DPP10: variants seen among roughly 807,000 people sequenced by gnomAD.
The protein encoded by DPP10 is dipeptidyl peptidase like 10.
DPP10 carries 33 observed loss-of-function variants against 120.9 expected under a neutral mutation model. That is an observed-to-expected ratio of 0.27 (90% CI 0.21 to 0.37). The LOEUF is 0.37. DPP10 is among the 10% of genes least tolerant of loss of function. The pLI, the probability that DPP10 is intolerant of heterozygous loss-of-function variation, is 1.00. For missense variants in DPP10, 816 were observed against 942.8 expected (o/e 0.87, Z 1.76); for synonymous variants, 337 against 326.1 (o/e 1.03, Z -0.36).
intron 1 of DPP10, among the ~76,000 whole-genome samples, chr2:114,722,630 G>C (rs1701771325): frequency 6.6e-6 from 1 of 151,812 alleles, no homozygotes. Context: ...CAAAAAATTA[G>C]CCGGGCGTGG....
intron 1 of DPP10, among the ~76,000 whole-genome samples, chr2:115,255,325 C>T (rs74511633): frequency 0.018 from 2,671 of 152,228 alleles, 79 homozygotes; most frequent in African/African-American, 0.062. Flanking sequence ...GACAGAGCGC[C>T]GAGACCCTAT....
intron 13 of DPP10, among the ~76,000 whole-genome samples, chr2:115,772,237 C>G (rs1021785684): frequency 2.0e-5 from 3 of 152,088 alleles, no homozygotes; most frequent in African/African-American, 4.8e-5. Flanking sequence ...ATTGAGTTGA[C>G]TGGATGTGCA....
intron 3 of DPP10, chr2:115,468,910 G>C (rs2074504017): frequency 5.1e-6 from 2 of 388,966 alleles, no homozygotes; most frequent in South Asian, 4.3e-5. Flanking sequence ...GCCACTGAAT[G>C]GGTAGGAACA....
intron 8 of DPP10, among the ~76,000 whole-genome samples, chr2:115,734,169 C>T (rs758449166): frequency 3.9e-5 from 6 of 152,140 alleles, no homozygotes; most frequent in Non-Finnish European, 5.9e-5. Flanking sequence ...AATCATATGT[C>T]ACTCTAAAAT....
At chr2:115,022,654 A>G (rs1703160217) in intron 1 of DPP10, among the ~76,000 whole-genome samples, 1 of 152,114 alleles carries the variant, frequency 6.6e-6, no homozygotes, top group Non-Finnish European at 1.5e-5. Context: ...AAACAACCCT[A>G]AAATTCATAT....
chr2:115,188,512 T>G (rs2054632475), intron 1 of DPP10, among the ~76,000 whole-genome samples: 1 of 152,184 alleles, frequency 6.6e-6, no homozygotes, highest in Admixed American at 6.5e-5. Context: ...AGGCCATATT[T>G]TAGGGTCTCT....
At chr2:115,633,378 C>A (rs1331672416) in intron 5 of DPP10, among the ~76,000 whole-genome samples, 2 of 151,996 alleles carry the variant, frequency 1.3e-5, no homozygotes, top group Admixed American at 6.6e-5. Context: ...GGGAATTGAA[C>A]AATGAGAACA....
chr2:114,648,859 T>A (rs1573880840), intron 1 of DPP10, among the ~76,000 whole-genome samples: 1 of 152,224 alleles, frequency 6.6e-6, no homozygotes, highest in Non-Finnish European at 1.5e-5. Context: ...ACTATCCATT[T>A]AAGTAGGTAA....
chr2:115,071,769 G>A (rs773891139), intron 1 of DPP10, among the ~76,000 whole-genome samples: 11 of 152,186 alleles, frequency 7.2e-5, no homozygotes, highest in Non-Finnish European at 1.5e-4. Context: ...GCAGGGAAGC[G>A]ATGTTCACAA....
At chr2:114,873,767 C>A (rs574616803) in intron 1 of DPP10, among the ~76,000 whole-genome samples, 41 of 152,212 alleles carry the variant, frequency 2.7e-4, no homozygotes, top group Admixed American at 2.6e-3. Flanking sequence ...CACGTCTGTT[C>A]ATGCAGCTCT....
intron 1 of DPP10, among the ~76,000 whole-genome samples, chr2:114,854,526 C>G (rs1349153934): frequency 6.6e-6 from 1 of 152,096 alleles, no homozygotes; most frequent in Non-Finnish European, 1.5e-5. Context: ...TGTCGACGCT[C>G]AAAAGCTTCA....
chr2:114,685,818 G>C (rs1196298223), intron 1 of DPP10, among the ~76,000 whole-genome samples: 1 of 151,802 alleles, frequency 6.6e-6, no homozygotes, highest in Non-Finnish European at 1.5e-5. Flanking sequence ...TTCCTTGTCC[G>C]TGTGATCACA....
intron 5 of DPP10, among the ~76,000 whole-genome samples, chr2:115,643,571 A>T (rs115338364): frequency 0.011 from 1,689 of 152,290 alleles, 29 homozygotes; most frequent in African/African-American, 0.039. Flanking sequence ...TTCTGGGAGG[A>T]TGGGGCACAT....
chr2:114,695,354 G>A lies in DPP10; in HGVS notation c.60+252516G>A, dbSNP rs192585337. On this transcript the variant is annotated intron_variant, in intron 1 of 25. Coordinates refer to ENST00000410059, the MANE Select transcript of DPP10 (RefSeq NM_020868.6). ...AACAAATGCCATGCAGATCTAGAGC[G>A]GGGGCCATTTGCCTGAGCCATTGTG... Among the ~76,000 whole-genome samples the A allele has an allele frequency of 6.6e-5, 10 of 152,138 alleles. No individual in the cohort carries two copies. The East Asian group carries it at 1.2e-3, about 18-fold the overall frequency.
rs543116761 is a variant in DPP10 at position 114,951,212 on chromosome 2, C to T, written c.61-358027C>T. Reference sequence around the variant, plus strand: ...TTTAGTACACAACACTGGCAGGAAGCGGCAATCATATATTTTACAAGGCTC... The same window carrying T: ...TTTAGTACACAACACTGGCAGGAAGTGGCAATCATATATTTTACAAGGCTC... On this transcript the variant is annotated intron_variant, in intron 1 of 25. Transcript: ENST00000410059. Among the ~76,000 whole-genome samples, 23 of 152,192 alleles carry T rather than the reference C, an allele frequency of 1.5e-4. No individual in the cohort carries two copies. In the South Asian group the frequency reaches 2.5e-3, roughly 16 times the overall value.
intron 3 of DPP10, among the ~76,000 whole-genome samples, chr2:115,400,044 C>T (rs892926015): frequency 3.3e-5 from 5 of 151,980 alleles, no homozygotes; most frequent in African/African-American, 1.2e-4. Context: ...GAGCAAGAGA[C>T]GGGGAGGGGT....
intron 1 of DPP10, among the ~76,000 whole-genome samples, chr2:114,974,840 T>C (rs1466962313): frequency 6.6e-6 from 1 of 152,098 alleles, no homozygotes; most frequent in Non-Finnish European, 1.5e-5. Flanking sequence ...TTCTCCTCAT[T>C]AAGTGATGCA....
intron 1 of DPP10, among the ~76,000 whole-genome samples, chr2:114,702,496 T>C (rs530722987): frequency 5.9e-5 from 9 of 152,134 alleles, no homozygotes; most frequent in Admixed American, 3.9e-4. Flanking sequence ...CACCAGGAGA[T>C]ATCAGAGTGG....
At chr2:115,243,335 A>G (rs1053742014) in intron 1 of DPP10, among the ~76,000 whole-genome samples, 1 of 152,168 alleles carries the variant, frequency 6.6e-6, no homozygotes, top group Non-Finnish European at 1.5e-5. Flanking sequence ...CAACACAGAA[A>G]AGATGCATTT....
Sources: gnomAD v4.1 joint callset for allele counts (sites outside exome capture counted in the v4.1 genomes callset) on GRCh38, gnomAD v4.1.1 for gene constraint, MANE v1.5 for transcripts, NCBI Gene and HGNC (gene_info 2026-07-23, HGNC 2026-07-21) for gene names.